Variants in DCAF5 observed in about 807,000 individuals in gnomAD.
DCAF5 encodes the protein DDB1- and CUL4-associated factor 5.
Under a neutral mutation model 80.7 loss-of-function variants are expected in DCAF5, and 9 were observed. The observed-to-expected ratio is 0.11, with a 90% confidence interval of 0.07 to 0.19. The LOEUF is 0.19. Ranked by LOEUF, DCAF5 falls within the 10% of genes least tolerant of loss-of-function variation. The probability of loss-of-function intolerance (pLI) is 1.00; values close to 1 mark genes in which losing one functional copy is unlikely to be tolerated. For synonymous variants in DCAF5, 433 were observed against 461.9 expected (o/e 0.94, Z 0.80); for missense variants, 842 against 1,205.7 (o/e 0.70, Z 4.47).
intron 1 of DCAF5, among the ~76,000 whole-genome samples, chr14:69,129,087 T>C (rs546629638): frequency 2.0e-5 from 3 of 152,346 alleles, no homozygotes; most frequent in African/African-American, 7.2e-5. Flanking sequence ...TATAGGATGA[T>C]TTCATTTTGC....
rs1303456694 is a variant in DCAF5, at chr14:69,122,244, T to C, written c.331A>G (p.Ser111Gly). 19 of 1,613,942 alleles carry C rather than the reference T, an allele frequency of 1.2e-5. No individual in the cohort carries two copies. The highest frequency in any genetic ancestry group is 1.7e-5 in the Admixed American group (1 of 60,020). Residue 111 changes from serine (S) to glycine (G), a missense_variant, in exon 2 of 9, where the codon AGT (serine) becomes GGT (glycine). Physicochemically the swap from Ser to Gly is moderately conservative, Grantham distance 56. Coordinates refer to ENST00000341516, the MANE Select transcript of DCAF5 (RefSeq NM_003861.3). ...CCAGAGAACACTTTAGTGTTCCCAC[T>C]GTTGAAAGCCAGGCAAAAAATGTTG... Reference protein sequence around the residue: ...HSNIFCLAFNSGNTKVFSGGN... With the variant: ...HSNIFCLAFNGGNTKVFSGGN...
chr14:69,083,643 T>C lies in DCAF5; in HGVS notation c.879+8031A>G, dbSNP rs542135970. On this transcript the variant is annotated intron_variant, in intron 6 of 8. Coordinates refer to ENST00000341516, the MANE Select transcript of DCAF5 (RefSeq NM_003861.3). ...AAGAAGCAGTGGAAAATATAAAAGTTAAAAAATCTCCCCAGAAATCCACCG... is the reference window on the plus strand; with the variant it reads ...AAGAAGCAGTGGAAAATATAAAAGTCAAAAAATCTCCCCAGAAATCCACCG... 23 of 583,760 alleles carry C rather than the reference T, an allele frequency of 3.9e-5. No homozygotes were observed. In the African/African-American group the frequency reaches 4.1e-4, roughly 10 times the overall value. 36.2% of individuals were successfully genotyped at this position (583,760 alleles called of 1,614,324 possible). A position where few individuals can be genotyped will look rare whatever the true frequency, so the allele number is the denominator to read the frequency against.
At chr14:69,143,126 A>C (rs1388668780) in intron 1 of DCAF5, among the ~76,000 whole-genome samples, 1 of 152,206 alleles carries the variant, frequency 6.6e-6, no homozygotes, top group Non-Finnish European at 1.5e-5. Context: ...AACCCTGCTT[A>C]CTGGCTCCAA....
intron 7 of DCAF5, among the ~76,000 whole-genome samples, chr14:69,070,430 G>A (rs539023918): frequency 1.3e-5 from 2 of 152,160 alleles, no homozygotes; most frequent in Non-Finnish European, 2.9e-5. Context: ...AAGCTTCCAA[G>A]ATTATTAAAT....
chr14:69,135,681 C>T (rs1268989106), intron 1 of DCAF5, among the ~76,000 whole-genome samples: 1 of 152,172 alleles, frequency 6.6e-6, no homozygotes, highest in Non-Finnish European at 1.5e-5. Context: ...AAAATTCAAG[C>T]TTTCAAGTAA....
intron 5 of DCAF5, among the ~76,000 whole-genome samples, chr14:69,110,815 C>T (rs559340372): frequency 1.5e-4 from 20 of 135,310 alleles, no homozygotes; most frequent in African/African-American, 5.3e-4. Flanking sequence ...GAGGTCAAGG[C>T]TGCAGTAGCC....
intron 1 of DCAF5, among the ~76,000 whole-genome samples, chr14:69,144,470 G>T (rs1330919571): frequency 6.6e-6 from 1 of 151,950 alleles, no homozygotes; most frequent in East Asian, 1.9e-4. Flanking sequence ...TACTCGGGAG[G>T]CTGAGGCAGG....
At chr14:69,140,918 T>C (rs1051689343) in intron 1 of DCAF5, among the ~76,000 whole-genome samples, 4 of 151,754 alleles carry the variant, frequency 2.6e-5, no homozygotes, top group Admixed American at 2.0e-4. Context: ...GGGACTGAAC[T>C]CTGTCAGGAG....
intron 5 of DCAF5, among the ~76,000 whole-genome samples, chr14:69,092,233 G>T (rs2039558962): frequency 6.6e-6 from 1 of 152,198 alleles, no homozygotes; most frequent in Admixed American, 6.5e-5. Context: ...AAGACCCTGA[G>T]AAGTGGGTTG....
intron 3 of DCAF5, 186 bp downstream of exon 3, chr14:69,119,008 C>T (rs1222377222): frequency 3.5e-6 from 2 of 572,366 alleles, no homozygotes; most frequent in African/African-American, 1.9e-5. Context: ...CTTTCAAATC[C>T]CTTTTTCCTT....
chr14:69,084,933 G>C (rs1335280172), intron 6 of DCAF5: 3 of 1,429,358 alleles, frequency 2.1e-6, no homozygotes, highest in Non-Finnish European at 3.0e-6. Context: ...AACAGCCAGA[G>C]ACCTAAATGG....
chr14:69,083,307 A>C (rs2039186487), intron 6 of DCAF5: 1 of 155,592 alleles, frequency 6.4e-6, no homozygotes, highest in African/African-American at 2.4e-5. Flanking sequence ...GGATTCAAAA[A>C]GAGTTATAAA....
At position 69,153,066 on chromosome 14, in the gene DCAF5, C is replaced by T. The variant is rs1227878652; in HGVS notation, c.-88G>A. The stretch of plus-strand genomic sequence containing the variant: ...TGCTCCCCCCACCCGGCCCTCCCCC[C>T]GCGCTGCGATCCGGATGGTTCTTTA... On this transcript the variant is annotated 5_prime_UTR_variant, in exon 1 of 9. Coordinates refer to ENST00000341516, the MANE Select transcript of DCAF5 (RefSeq NM_003861.3). The T allele has an allele frequency of 6.6e-6, 7 of 1,063,718 alleles. No homozygotes were observed. The highest frequency in any genetic ancestry group is 3.4e-5 in the African/African-American group (2 of 58,752). 65.9% of individuals were successfully genotyped at this position (1,063,718 alleles called of 1,614,324 possible). A position where few individuals can be genotyped will look rare whatever the true frequency, so the allele number is the denominator to read the frequency against.
At chr14:69,101,631 G>C (rs992607576) in intron 5 of DCAF5, among the ~76,000 whole-genome samples, 1 of 152,162 alleles carries the variant, frequency 6.6e-6, no homozygotes, top group Admixed American at 6.5e-5. Flanking sequence ...TTAATGACAG[G>C]AATATGTTCT....
intron 6 of DCAF5, among the ~76,000 whole-genome samples, chr14:69,081,663 GAAC>G (rs1485761915): frequency 1.3e-5 from 2 of 152,058 alleles, no homozygotes; most frequent in Admixed American, 1.3e-4. Context: ...CCACCACCAA[GAAC>G]AACACTGAAA....
At chr14:69,102,399 G>A (rs763007726) in intron 5 of DCAF5, among the ~76,000 whole-genome samples, 2 of 151,812 alleles carry the variant, frequency 1.3e-5, no homozygotes, top group Non-Finnish European at 2.9e-5. Context: ...GAGCCACCGC[G>A]CCCGACCATT....
At position 69,091,542 on chromosome 14, in the gene DCAF5, C is replaced by T. The variant is rs954010487; in HGVS notation, c.879+132G>A. On this transcript the variant is annotated intron_variant, in intron 6 of 8. Transcript: ENST00000341516. Reference sequence around the variant, plus strand: ...ACTCACTATTATTAAGTCAGAACATCTCCAGGCACTCACTGTTTCCCCTTA... The same window carrying T: ...ACTCACTATTATTAAGTCAGAACATTTCCAGGCACTCACTGTTTCCCCTTA... 1.0e-5 allele frequency: 8 copies of T among 800,636 alleles called. No homozygotes were observed. The East Asian group carries it at 2.1e-4, about 21-fold the overall frequency. The allele number at this position is 800,636 out of a possible 1,614,324, so 49.6% of individuals were successfully genotyped here. A position where few individuals can be genotyped will look rare whatever the true frequency, so the allele number is the denominator to read the frequency against.
At chr14:69,092,222 C>T (rs2039558279) in intron 5 of DCAF5, among the ~76,000 whole-genome samples, 1 of 152,184 alleles carries the variant, frequency 6.6e-6, no homozygotes, top group Admixed American at 6.5e-5. Flanking sequence ...GCATACTCGT[C>T]AAGACCCTGA....
intron 8 of DCAF5, among the ~76,000 whole-genome samples, chr14:69,061,768 T>C (rs2038224275): frequency 6.6e-6 from 1 of 152,220 alleles, no homozygotes. Flanking sequence ...GAATACATTA[T>C]ACTCAAGGCC....
Sources: allele counts gnomAD v4.1 joint callset (sites outside exome capture counted in the v4.1 genomes callset), GRCh38; gene constraint gnomAD v4.1.1; transcripts MANE v1.5; gene names NCBI Gene and HGNC (gene_info 2026-07-23, HGNC 2026-07-21).